The following TMEM163 variants were observed in gnomAD, a reference collection of about 807,000 sequenced individuals.
TMEM163 encodes transmembrane protein 163.
Under a neutral mutation model 29.3 loss-of-function variants are expected in TMEM163, and 17 were observed. The ratio of observed to expected loss-of-function variants is 0.58; its 90% confidence interval spans 0.40 to 0.87. The LOEUF (loss-of-function observed/expected upper bound fraction) is 0.87. Ranked by LOEUF, TMEM163 falls within the 40% of genes least tolerant of loss-of-function variation. The pLI, the probability that TMEM163 is intolerant of heterozygous loss-of-function variation, is 0.00. For missense variants in TMEM163, 303 were observed against 381.5 expected (o/e 0.79, Z 1.71); for synonymous variants, 157 against 160.6 (o/e 0.98, Z 0.17).
chr2:134,645,262 A>C (rs994695634), intron 2 of TMEM163, among the ~76,000 whole-genome samples: 3 of 152,226 alleles, frequency 2.0e-5, no homozygotes, highest in African/African-American at 7.2e-5. Flanking sequence ...CCTACACCTA[A>C]GTATTTACCC....
chr2:134,705,954 C>T (rs562971355), intron 2 of TMEM163, among the ~76,000 whole-genome samples: 7 of 152,222 alleles, frequency 4.6e-5, no homozygotes, highest in East Asian at 1.9e-4. Context: ...GTCACCGCCA[C>T]GGCTGTGCGA....
intron 2 of TMEM163, among the ~76,000 whole-genome samples, chr2:134,588,947 T>C (rs1160310795): frequency 1.3e-5 from 2 of 152,088 alleles, no homozygotes; most frequent in African/African-American, 4.8e-5. Flanking sequence ...CTTTCTTTAG[T>C]AGGAAATGGG....
intron 4 of TMEM163, among the ~76,000 whole-genome samples, chr2:134,521,657 CAT>C: frequency 6.6e-6 from 1 of 152,330 alleles, no homozygotes; most frequent in South Asian, 2.1e-4. Context: ...AATTGGGTAA[CAT>C]GTGGACTGCC....
chr2:134,506,806 T>G (rs916160393), intron 4 of TMEM163, among the ~76,000 whole-genome samples: 1 of 152,196 alleles, frequency 6.6e-6, no homozygotes, highest in East Asian at 1.9e-4. Flanking sequence ...GCTTCCAGGC[T>G]TGGGGGACCA....
chr2:134,632,049 GA>G (rs1682981531), intron 2 of TMEM163, among the ~76,000 whole-genome samples: 2 of 152,138 alleles, frequency 1.3e-5, no homozygotes, highest in Admixed American at 1.3e-4. Context: ...GCTCAAAAGG[GA>G]CAAAATTCAC....
At chr2:134,632,235 C>A (rs1470333183) in intron 2 of TMEM163, among the ~76,000 whole-genome samples, 1 of 152,082 alleles carries the variant, frequency 6.6e-6, no homozygotes, top group African/African-American at 2.4e-5. Context: ...ACAGAGCAGG[C>A]AATGAGCTAG....
At chr2:134,625,866 G>A (rs1682837259) in intron 2 of TMEM163, among the ~76,000 whole-genome samples, 1 of 152,198 alleles carries the variant, frequency 6.6e-6, no homozygotes, top group African/African-American at 2.4e-5. Context: ...CCGTCCCACT[G>A]TGATACCCTG....
At chr2:134,598,571 G>T (rs1248411563) in intron 2 of TMEM163, among the ~76,000 whole-genome samples, 1 of 152,198 alleles carries the variant, frequency 6.6e-6, no homozygotes, top group Non-Finnish European at 1.5e-5. Context: ...TTAGCCACTA[G>T]GCTTTGCTGT....
intron 4 of TMEM163, among the ~76,000 whole-genome samples, chr2:134,503,263 G>T (rs951707321): frequency 1.3e-5 from 2 of 152,196 alleles, no homozygotes; most frequent in African/African-American, 4.8e-5. Context: ...TGCTGTCATG[G>T]AAGGGTCTTC....
At chr2:134,485,046 A>T (rs1679278882) in intron 5 of TMEM163, among the ~76,000 whole-genome samples, 1 of 152,224 alleles carries the variant, frequency 6.6e-6, no homozygotes, top group East Asian at 1.9e-4. Context: ...CAATCAGTTC[A>T]ACCAGAGAAA....
At chr2:134,544,826 A>G (rs957510129) in intron 4 of TMEM163, among the ~76,000 whole-genome samples, 1 of 152,108 alleles carries the variant, frequency 6.6e-6, no homozygotes, top group African/African-American at 2.4e-5. Flanking sequence ...CCAGTTCCTC[A>G]GTGACTCTAT....
intron 2 of TMEM163, among the ~76,000 whole-genome samples, chr2:134,704,068 A>T (rs1323196204): frequency 1.3e-5 from 2 of 152,006 alleles, no homozygotes; most frequent in African/African-American, 4.8e-5. Flanking sequence ...GCTTTCTAAT[A>T]TTGGATTGTG....
intron 4 of TMEM163, among the ~76,000 whole-genome samples, chr2:134,529,321 G>A (rs1032602344): frequency 6.6e-6 from 1 of 151,900 alleles, no homozygotes; most frequent in African/African-American, 2.4e-5. Context: ...ACAGAGTCTC[G>A]CTCTGTCTCA....
At chr2:134,670,512 C>T (rs1212291640) in intron 2 of TMEM163, among the ~76,000 whole-genome samples, 7 of 152,212 alleles carry the variant, frequency 4.6e-5, no homozygotes, top group East Asian at 1.9e-4. Context: ...ACAACAGCCA[C>T]GCCTACAGAG....
chr2:134,642,823 G>T (rs1403505492), intron 2 of TMEM163, among the ~76,000 whole-genome samples: 2 of 152,002 alleles, frequency 1.3e-5, no homozygotes, highest in Non-Finnish European at 1.5e-5. Context: ...CAACAAAAAT[G>T]AAAATAGAGC....
intron 5 of TMEM163, chr2:134,466,482 C>A (rs1256668259): frequency 2.4e-6 from 1 of 421,666 alleles, no homozygotes; most frequent in African/African-American, 2.0e-5. Flanking sequence ...GGAGATTGAC[C>A]TCCCCACTAT....
chr2:134,574,802 G>A (rs1681511396), intron 2 of TMEM163, among the ~76,000 whole-genome samples: 1 of 152,182 alleles, frequency 6.6e-6, no homozygotes. Context: ...TCGATTTGAT[G>A]CAGCTGTGTA....
intron 5 of TMEM163, among the ~76,000 whole-genome samples, chr2:134,481,380 G>C (rs549892165): frequency 3.7e-4 from 55 of 147,036 alleles, no homozygotes; most frequent in East Asian, 3.0e-3. Context: ...TGAATCATGG[G>C]GGGGGGGGGA....
chr2:134,702,318 T>A (rs1208204156), intron 2 of TMEM163, among the ~76,000 whole-genome samples: 1 of 152,074 alleles, frequency 6.6e-6, no homozygotes, highest in East Asian at 1.9e-4. Flanking sequence ...TTTTTAACCA[T>A]CACAAATATT....
Sources: gnomAD v4.1 joint callset for allele counts (sites outside exome capture counted in the v4.1 genomes callset) on GRCh38, gnomAD v4.1.1 for gene constraint, MANE v1.5 for transcripts, NCBI Gene and HGNC (gene_info 2026-07-23, HGNC 2026-07-21) for gene names.